The following TMEM177 variants were observed in gnomAD, a reference collection of about 807,000 sequenced individuals.
TMEM177 encodes transmembrane protein 177.
Under a neutral mutation model 14.2 loss-of-function variants are expected in TMEM177, and 4 were observed. The ratio of observed to expected loss-of-function variants is 0.28; its 90% CI spans 0.14 to 0.64. The LOEUF (loss-of-function observed/expected upper bound fraction) is 0.64, where lower values mean the gene tolerates loss of function less well. Ranked by LOEUF, TMEM177 falls within the 30% of genes least tolerant of loss-of-function variation. The pLI, the probability that TMEM177 is intolerant of heterozygous loss-of-function variation, is 0.82. For missense variants in TMEM177, 344 were observed against 405.2 expected, an observed-to-expected ratio of 0.85 and a Z score of 1.30; for synonymous variants, 179 against 174.5, an observed-to-expected ratio of 1.03 and a Z score of -0.20.
downstream of TMEM177, among the ~76,000 whole-genome samples, chr2:119,683,583 C>G (rs1332827862): frequency 6.6e-6 from 1 of 152,186 alleles, no homozygotes; most frequent in Non-Finnish European, 1.5e-5. Context: ...GGCATTCCTG[C>G]TGATCTGCCC....
rs752097558 is a variant in TMEM177 at position 119,681,406 on chromosome 2, G to A, written c.553G>A (p.Val185Met). 50 of 1,613,910 alleles carry A rather than the reference G, an allele frequency of 3.1e-5. No homozygotes were observed. Among genetic ancestry groups the A allele is most frequent in the South Asian group, 6.6e-5 (6 of 91,078 alleles). Residue 185 changes from valine (V) to methionine (M), a missense_variant, in exon 2 of 2, where the codon GTG (valine) becomes ATG (methionine). Coordinates refer to ENST00000272521, the MANE Select transcript of TMEM177 (RefSeq NM_030577.3). ...CCTGGCAGGGACCTGGGCACTGGGC[G>A]TGGGTGCCAAGTACACCCTGGGGCT... ...ACLAGTWALG[V>M]GAKYTLGLHA...
At chr2:119,710,124 A>C in the TMEM177 span, among the ~76,000 whole-genome samples, 2 of 152,322 alleles carry the variant, frequency 1.3e-5, no homozygotes, top group African/African-American at 2.4e-5. Flanking sequence ...TTTGAGTTTA[A>C]GGTGATTAAT....
the TMEM177 span, among the ~76,000 whole-genome samples, chr2:119,719,739 C>G: frequency 6.6e-6 from 1 of 152,110 alleles, no homozygotes; most frequent in South Asian, 2.1e-4. Context: ...GGGAGGCACT[C>G]ACCTAGGGCA....
chr2:119,698,089 C>A, the TMEM177 span, among the ~76,000 whole-genome samples: 1 of 152,210 alleles, frequency 6.6e-6, no homozygotes, highest in Non-Finnish European at 1.5e-5. Flanking sequence ...GAGGGCAGAA[C>A]TTCACGGTGA....
At chr2:119,719,002 C>T in the TMEM177 span, among the ~76,000 whole-genome samples, 139 of 152,278 alleles carry the variant, frequency 9.1e-4, no homozygotes, top group African/African-American at 3.2e-3. Flanking sequence ...GACCTCGGTT[C>T]TGCATTTCTA....
chr2:119,707,013 G>GC, the TMEM177 span, among the ~76,000 whole-genome samples: 1 of 151,964 alleles, frequency 6.6e-6, no homozygotes, highest in Non-Finnish European at 1.5e-5. Flanking sequence ...CCAGGTTCAA[G>GC]CGATTCTCCT....
the TMEM177 span, among the ~76,000 whole-genome samples, chr2:119,699,326 G>T: frequency 1.3e-5 from 2 of 152,196 alleles, no homozygotes; most frequent in African/African-American, 4.8e-5. Context: ...CAGATCTCGT[G>T]AGAATTCACT....
At chr2:119,690,812 A>T (rs926550800), downstream of TMEM177, among the ~76,000 whole-genome samples, 1 of 152,242 alleles carries the variant, frequency 6.6e-6, no homozygotes, top group Non-Finnish European at 1.5e-5. Context: ...CATCCGCATC[A>T]GGTGGACACT....
chr2:119,704,939 C>A, the TMEM177 span, among the ~76,000 whole-genome samples: 1 of 152,126 alleles, frequency 6.6e-6, no homozygotes, highest in Non-Finnish European at 1.5e-5. Context: ...ATTTGAATTC[C>A]CCTTCCTGTC....
the TMEM177 span, among the ~76,000 whole-genome samples, chr2:119,706,516 A>G: frequency 1.1e-4 from 17 of 152,274 alleles, no homozygotes; most frequent in East Asian, 2.9e-3. Context: ...TAATGCTGCT[A>G]GTCTCTTCCT....
At chr2:119,698,017 C>T in the TMEM177 span, among the ~76,000 whole-genome samples, 1 of 152,034 alleles carries the variant, frequency 6.6e-6, no homozygotes, top group African/African-American at 2.4e-5. Flanking sequence ...AAAAAGCAGA[C>T]AATAGCCTGG....
chr2:119,715,425 C>T, the TMEM177 span, among the ~76,000 whole-genome samples: 2 of 152,058 alleles, frequency 1.3e-5, no homozygotes, highest in Admixed American at 6.6e-5. Flanking sequence ...CAGAGACAGA[C>T]GGAAGATTTC....
the TMEM177 span, among the ~76,000 whole-genome samples, chr2:119,719,498 A>G: frequency 6.6e-6 from 1 of 152,204 alleles, no homozygotes; most frequent in African/African-American, 2.4e-5. Context: ...TGGTTTAGAC[A>G]TGGCATGAGG....
At chr2:119,717,421 G>A in the TMEM177 span, among the ~76,000 whole-genome samples, 3 of 152,042 alleles carry the variant, frequency 2.0e-5, no homozygotes, top group African/African-American at 7.2e-5. Flanking sequence ...GGCCCCATAT[G>A]CCTGCACTGG....
At chr2:119,698,675 G>A in the TMEM177 span, 3 of 167,684 alleles carry the variant, frequency 1.8e-5, no homozygotes, top group Non-Finnish European at 2.6e-5. Flanking sequence ...TGCAAATCAA[G>A]GTGTTTCCAT....
chr2:119,685,663 G>T (rs780733153), downstream of TMEM177: 26 of 717,564 alleles, frequency 3.6e-5, no homozygotes, highest in Non-Finnish European at 6.2e-5. Flanking sequence ...TACAGGAAAG[G>T]GAACATCACA....
In TMEM177 at chr2:119,681,263, C is replaced by T. The variant is rs759435558; in HGVS notation, c.410C>T (p.Ala137Val). ...GTGGACTGGCGGAGCCCAGCAGGCGCCCGGCTGAGAGCTTCCCTGACCTTG... is the reference window on the plus strand; with the variant it reads ...GTGGACTGGCGGAGCCCAGCAGGCGTCCGGCTGAGAGCTTCCCTGACCTTG... Reference protein sequence around the residue: ...HTVDWRSPAGARLRASLTLSR... With the variant: ...HTVDWRSPAGVRLRASLTLSR... Residue 137 changes from alanine (A) to valine (V), a missense_variant, in exon 2 of 2, where the codon GCC becomes GTC. By Grantham distance (64) the Ala-to-Val change is moderately conservative. Transcript: ENST00000272521. 6.2e-7 allele frequency: 1 copy of T among 1,614,260 alleles called. No homozygotes were observed. The highest frequency in any genetic ancestry group is 1.1e-5 in the South Asian group (1 of 91,086).
chr2:119,697,766 G>A, the TMEM177 span, among the ~76,000 whole-genome samples: 4 of 151,890 alleles, frequency 2.6e-5, no homozygotes, highest in African/African-American at 9.7e-5. Flanking sequence ...CAGCAACCTC[G>A]CTGAGGGCTT....
the TMEM177 span, chr2:119,699,963 T>A: frequency 5.2e-6 from 2 of 382,794 alleles, no homozygotes; most frequent in East Asian, 1.4e-4. Flanking sequence ...TCCAGGTGAA[T>A]AAAGCACGTA....
Sources: allele counts gnomAD v4.1 joint callset (sites outside exome capture counted in the v4.1 genomes callset), GRCh38; gene constraint gnomAD v4.1.1; transcripts MANE v1.5; gene names NCBI Gene and HGNC (gene_info 2026-07-23, HGNC 2026-07-21).